Variants in ZNF195 observed in about 807,000 individuals in gnomAD.
ZNF195 encodes hypoxia-regulated factor-1.
ZNF195 carries 11 observed loss-of-function variants against 19.5 expected under a neutral mutation model. That is an observed-to-expected ratio of 0.57 (90% CI 0.36 to 0.94). The LOEUF (loss-of-function observed/expected upper bound fraction) is 0.94, where lower values mean the gene tolerates loss of function less well. ZNF195 is among the 40% of genes least tolerant of loss of function. The probability of loss-of-function intolerance (pLI) is 0.01; values close to 1 mark genes in which losing one functional copy is unlikely to be tolerated. For missense variants in ZNF195, 582 were observed against 709.0 expected, an observed-to-expected ratio of 0.82 and a Z score of 2.03; for synonymous variants, 214 against 248.1, an observed-to-expected ratio of 0.86 and a Z score of 1.29.
intron 3 of ZNF195, among the ~76,000 whole-genome samples, chr11:3,363,868 G>GA (rs993435062): frequency 3.3e-5 from 5 of 151,962 alleles, no homozygotes; most frequent in Non-Finnish European, 1.5e-5. Context: ...ATAAAACACA[G>GA]AAAAAACTGT....
intron 1 of ZNF195, chr11:3,373,558 T>C: frequency 6.5e-7 from 1 of 1,540,602 alleles, no homozygotes; most frequent in Non-Finnish European, 8.8e-7. Context: ...ACACAACCCC[T>C]GACCTGAGAT....
In ZNF195 at chr11:3,360,742, C is replaced by T. The variant is rs1365927524; in HGVS notation, c.420G>A (p.Glu140=). ...TACCTAGTGAGAAGATGCATCTGAACTCTAAAAACCATTTCACAGTTTGCA... is the reference window on the plus strand; with the variant it reads ...TACCTAGTGAGAAGATGCATCTGAATTCTAAAAACCATTTCACAGTTTGCA... ...GVLQTVKWFL[E]FRCIFSLAMS... is the part of the protein sequence containing the mutation. The change falls in exon 5 of 6, where the codon GAG becomes GAA. Residue 140 remains glutamate (E), a synonymous_variant. Transcript: ENST00000399602. 1 of 1,551,374 alleles carries T rather than the reference C, an allele frequency of 6.4e-7. No individual in the cohort carries two copies. The highest frequency in any genetic ancestry group is 8.7e-7 in the Non-Finnish European group (1 of 1,146,954).
intron 2 of ZNF195, among the ~76,000 whole-genome samples, 170 bp downstream of exon 2, chr11:3,371,407 C>T (rs72848290): frequency 0.099 from 11,280 of 113,756 alleles, 460 homozygotes; most frequent in Non-Finnish European, 0.12. Flanking sequence ...AGATGAACCA[C>T]ATTTTGAAGA....
Position 3,371,607 on chromosome 11 carries a change from ACAT to A in ZNF195, c.97_99del (p.Met33del). ...GAGAACAAGTTTCTGTAGTTCTCCA[ACAT>A]CACATCCCTGTACAAATTCTGCTGA... On this transcript the variant is annotated inframe_deletion, in exon 2 of 6. Coordinates refer to ENST00000399602, the MANE Select transcript of ZNF195 (RefSeq NM_001130520.3). The A allele has an allele frequency of 6.2e-7, 1 of 1,614,174 alleles. No homozygotes were observed. Among genetic ancestry groups the A allele is most frequent in the Non-Finnish European group, 8.5e-7 (1 of 1,180,002 alleles).
At chr11:3,376,542 G>T (rs1320584011) in intron 1 of ZNF195, among the ~76,000 whole-genome samples, 1 of 152,136 alleles carries the variant, frequency 6.6e-6, no homozygotes, top group African/African-American at 2.4e-5. Context: ...TCCCAATCAG[G>T]GTTATCCACT....
intron 1 of ZNF195, among the ~76,000 whole-genome samples, chr11:3,372,754 C>CT (rs1200142663): frequency 6.6e-6 from 1 of 152,224 alleles, no homozygotes; most frequent in African/African-American, 2.4e-5. Flanking sequence ...TGTCTTGAGA[C>CT]TGAGTCTCAC....
At chr11:3,372,159 G>T (rs1378918201) in intron 1 of ZNF195, among the ~76,000 whole-genome samples, 3 of 152,142 alleles carry the variant, frequency 2.0e-5, no homozygotes, top group Admixed American at 6.5e-5. Flanking sequence ...ACAATATTTT[G>T]TCAAAAATCC....
chr11:3,369,524 G>T, intron 3 of ZNF195: 2 of 450,514 alleles, frequency 4.4e-6, no homozygotes, highest in South Asian at 3.1e-5. Context: ...AAGAAAATGT[G>T]ATATAAATAG....
Position 3,379,121 on chromosome 11 carries a change from G to A in ZNF195, c.-81C>T. On this transcript the variant is annotated 5_prime_UTR_variant, in exon 1 of 6. Transcript: ENST00000399602. ...GTCACACGACCTACGGCTAGCAGGGGACACAGAGCCGCGGGGACAGGAAGT... is the reference window on the plus strand; with the variant it reads ...GTCACACGACCTACGGCTAGCAGGGAACACAGAGCCGCGGGGACAGGAAGT... The A allele has an allele frequency of 7.1e-7, 1 of 1,407,178 alleles. No homozygotes were observed. The highest frequency in any genetic ancestry group is 9.3e-7 in the Non-Finnish European group (1 of 1,069,752). The allele number at this position is 1,407,178 out of a possible 1,614,324, so 87.2% of individuals were successfully genotyped here. A position where few individuals can be genotyped will look rare whatever the true frequency, so the allele number is the denominator to read the frequency against.
At chr11:3,373,792 C>G in intron 1 of ZNF195, 1 of 630,980 alleles carries the variant, frequency 1.6e-6, no homozygotes, top group South Asian at 2.1e-5. Context: ...GATTCAGGAA[C>G]AGTAAACTTC....
intron 1 of ZNF195, 52 bp from the exon 2 acceptor site, chr11:3,371,755 C>T (rs373673600): frequency 2.3e-5 from 36 of 1,540,926 alleles, no homozygotes; most frequent in Non-Finnish European, 3.0e-5. Context: ...GTGAAATGAG[C>T]GAGTGAAGAG....
chr11:3,365,877 A>G (rs1424108220), intron 3 of ZNF195, among the ~76,000 whole-genome samples: 1 of 152,242 alleles, frequency 6.6e-6, no homozygotes, highest in African/African-American at 2.4e-5. Context: ...CCTTTCAACA[A>G]ATGTTAAAAA....
intron 3 of ZNF195, chr11:3,368,835 T>C (rs891453532): frequency 1.3e-5 from 6 of 455,918 alleles, no homozygotes; most frequent in Admixed American, 2.4e-5. Context: ...ACAGACAGTA[T>C]AGTCTCTTCA....
chr11:3,375,093 G>A (rs555452139), intron 1 of ZNF195, among the ~76,000 whole-genome samples: 4 of 152,286 alleles, frequency 2.6e-5, no homozygotes, highest in African/African-American at 4.8e-5. Context: ...CCAAAACTCT[G>A]ATTTAATTCT....
At chr11:3,361,001 G>A (rs1341601684) in intron 4 of ZNF195, among the ~76,000 whole-genome samples, 2 of 152,188 alleles carry the variant, frequency 1.3e-5, no homozygotes, top group Non-Finnish European at 2.9e-5. Flanking sequence ...ACGGAGTGCT[G>A]AGAGAAATGG....
intron 3 of ZNF195, among the ~76,000 whole-genome samples, chr11:3,370,170 T>G (rs7948310): frequency 0.91 from 138,053 of 152,098 alleles, 62,739 homozygotes; most frequent in East Asian, 0.99. Context: ...GTTGATATAT[T>G]ATATATACAC....
chr11:3,372,446 A>G (rs1849256613), intron 1 of ZNF195, among the ~76,000 whole-genome samples: 1 of 152,268 alleles, frequency 6.6e-6, no homozygotes, highest in Non-Finnish European at 1.5e-5. Flanking sequence ...TCACGTGCCA[A>G]TGCACAGAGA....
chr11:3,375,023 G>A (rs1472803889), intron 1 of ZNF195, among the ~76,000 whole-genome samples: 2 of 152,216 alleles, frequency 1.3e-5, no homozygotes, highest in Non-Finnish European at 2.9e-5. Context: ...GGCAGCAGGA[G>A]TCAAACTCTG....
At chr11:3,369,309 A>T (rs1371105849) in intron 3 of ZNF195, 2 of 233,204 alleles carry the variant, frequency 8.6e-6, no homozygotes, top group African/African-American at 2.3e-5. Flanking sequence ...CATTATGAAA[A>T]CCAGGGTGGG....
Sources: gnomAD v4.1 joint callset for allele counts (sites outside exome capture counted in the v4.1 genomes callset) on GRCh38, gnomAD v4.1.1 for gene constraint, MANE v1.5 for transcripts, NCBI Gene and HGNC (gene_info 2026-07-23, HGNC 2026-07-21) for gene names.